PKNOX2: variants seen among roughly 807,000 people sequenced by gnomAD.
PKNOX2 encodes the protein PBX/knotted 1 homeobox 2.
In PKNOX2, 14 loss-of-function variants were observed where a neutral mutation model predicts 53.1. The ratio of observed to expected loss-of-function variants is 0.26; its 90% CI spans 0.17 to 0.41. PKNOX2 has a LOEUF of 0.41. PKNOX2 is among the 10% of genes least tolerant of loss of function. The pLI, the probability that PKNOX2 is intolerant of heterozygous loss-of-function variation, is 1.00. For missense variants in PKNOX2, 496 were observed against 602.8 expected, an observed-to-expected ratio of 0.82 and a Z score of 1.85; for synonymous variants, 257 against 242.8, an observed-to-expected ratio of 1.06 and a Z score of -0.54.
At chr11:125,238,601 T>A (rs916140996) in intron 2 of PKNOX2, among the ~76,000 whole-genome samples, 8 of 152,328 alleles carry the variant, frequency 5.3e-5, no homozygotes, top group African/African-American at 1.7e-4. Context: ...GATGGCATCA[T>A]CCCCAATGCT....
At chr11:125,195,327 C>T (rs934426403) in intron 1 of PKNOX2, among the ~76,000 whole-genome samples, 26 of 152,130 alleles carry the variant, frequency 1.7e-4, no homozygotes, top group African/African-American at 5.3e-4. Context: ...GTTCAAGACA[C>T]GTGCTTTTCC....
intron 5 of PKNOX2, among the ~76,000 whole-genome samples, chr11:125,378,216 C>A (rs759490218): frequency 3.7e-4 from 57 of 152,336 alleles, no homozygotes; most frequent in Admixed American, 1.5e-3. Flanking sequence ...AGCTACTTGA[C>A]AACCACTCAC....
chr11:125,388,391 G>A (rs1184720429), intron 6 of PKNOX2, among the ~76,000 whole-genome samples: 2 of 152,070 alleles, frequency 1.3e-5, no homozygotes, highest in Non-Finnish European at 2.9e-5. Flanking sequence ...TCTTTATCCG[G>A]ACAGATATAC....
chr11:125,218,308 G>A (rs1009577833), intron 1 of PKNOX2, among the ~76,000 whole-genome samples: 1 of 152,028 alleles, frequency 6.6e-6, no homozygotes, highest in African/African-American at 2.4e-5. Context: ...GGAACTCATG[G>A]GGAAGTGAGT....
intron 1 of PKNOX2, among the ~76,000 whole-genome samples, chr11:125,230,825 T>G (rs1942146367): frequency 6.6e-6 from 1 of 152,178 alleles, no homozygotes; most frequent in Non-Finnish European, 1.5e-5. Context: ...TATTTAAAGG[T>G]GCTACTGTTA....
At chr11:125,389,591 C>T (rs956131978) in intron 6 of PKNOX2, among the ~76,000 whole-genome samples, 1 of 152,196 alleles carries the variant, frequency 6.6e-6, no homozygotes, top group Non-Finnish European at 1.5e-5. Context: ...CACAGATCCC[C>T]TCCTTGGGCC....
At chr11:125,420,350 A>T (rs1956109731) in intron 10 of PKNOX2, among the ~76,000 whole-genome samples, 1 of 151,094 alleles carries the variant, frequency 6.6e-6, no homozygotes, top group African/African-American at 2.4e-5. Context: ...ACACGGTGAA[A>T]CCCCACTCTA....
chr11:125,407,638 C>T (rs1451148141), intron 7 of PKNOX2, among the ~76,000 whole-genome samples: 14 of 151,954 alleles, frequency 9.2e-5, no homozygotes, highest in African/African-American at 3.1e-4. Flanking sequence ...TGGTGGCTCA[C>T]GCCTGTAATC....
intron 1 of PKNOX2, among the ~76,000 whole-genome samples, chr11:125,226,549 G>A (rs1288303301): frequency 6.6e-6 from 1 of 152,078 alleles, no homozygotes; most frequent in African/African-American, 2.4e-5. Flanking sequence ...CCTAGGTCCT[G>A]TCTACACCCT....
At chr11:125,391,394 A>C (rs1249495396) in intron 6 of PKNOX2, among the ~76,000 whole-genome samples, 1 of 152,234 alleles carries the variant, frequency 6.6e-6, no homozygotes, top group Non-Finnish European at 1.5e-5. Context: ...AGAGAGGCAC[A>C]CTGAGAGAGG....
intron 2 of PKNOX2, chr11:125,277,619 A>G (rs1946263229): frequency 6.6e-6 from 1 of 152,250 alleles, no homozygotes; most frequent in African/African-American, 2.4e-5. Context: ...GGCCCTGCAC[A>G]AGGATGACAC....
At chr11:125,173,944 A>C (rs1162866252) in intron 1 of PKNOX2, among the ~76,000 whole-genome samples, 4 of 152,216 alleles carry the variant, frequency 2.6e-5, no homozygotes, top group African/African-American at 9.6e-5. Flanking sequence ...CCAGCGTAGC[A>C]CAATGGGTCT....
At chr11:125,241,490 A>T (rs1943142346) in intron 2 of PKNOX2, among the ~76,000 whole-genome samples, 1 of 152,198 alleles carries the variant, frequency 6.6e-6, no homozygotes. Flanking sequence ...TAAACCATTG[A>T]ACCCCATTCT....
At chr11:125,340,360 G>A (rs1480983281) in intron 3 of PKNOX2, among the ~76,000 whole-genome samples, 1 of 152,172 alleles carries the variant, frequency 6.6e-6, no homozygotes, top group Non-Finnish European at 1.5e-5. Flanking sequence ...CACCTTTTCT[G>A]CACTTCTCCA....
chr11:125,185,199 A>G (rs565445972), intron 1 of PKNOX2, among the ~76,000 whole-genome samples: 1 of 152,344 alleles, frequency 6.6e-6, no homozygotes, highest in South Asian at 2.1e-4. Flanking sequence ...CCTCAGCCCA[A>G]GTCGAGGCTG....
chr11:125,170,264 C>T (rs911974085), intron 1 of PKNOX2, among the ~76,000 whole-genome samples: 2 of 152,208 alleles, frequency 1.3e-5, no homozygotes, highest in Admixed American at 6.5e-5. Context: ...TAAAAGCTAG[C>T]TCTGATCCTG....
chr11:125,405,007 G>C (rs921389394), intron 7 of PKNOX2, among the ~76,000 whole-genome samples: 3 of 152,220 alleles, frequency 2.0e-5, no homozygotes, highest in Non-Finnish European at 4.4e-5. Flanking sequence ...CTTCTGGGAG[G>C]CTTTGGTGAG....
chr11:125,193,698 C>G (rs769982234), intron 1 of PKNOX2, among the ~76,000 whole-genome samples: 1 of 152,204 alleles, frequency 6.6e-6, no homozygotes, highest in African/African-American at 2.4e-5. Flanking sequence ...GACCTAGGAA[C>G]AGGAGTTGAT....
Position 125,379,119 on chromosome 11 carries a change from GGCGAGATGTCGGCTCACT to G in PKNOX2, c.228-6427_228-6410del, listed in dbSNP as rs368992623. On this transcript the variant is annotated intron_variant, in intron 5 of 12. Transcript: ENST00000298282. Reference sequence around the variant, plus strand: ...TCTGTCGCCCAGGCTGGAGTTCAGTGGCGAGATGTCGGCTCACTGCGACCTCCACCTCCTGGGTTCAAG... The same window carrying G: ...TCTGTCGCCCAGGCTGGAGTTCAGTGGCGACCTCCACCTCCTGGGTTCAAG... Among the ~76,000 whole-genome samples, 26 of 150,674 alleles carry G rather than the reference GGCGAGATGTCGGCTCACT, an allele frequency of 1.7e-4. No individual in the cohort carries two copies. In the Middle Eastern group the frequency reaches 0.014, roughly 79 times the overall value.
Sources: allele counts gnomAD v4.1 joint callset (sites outside exome capture counted in the v4.1 genomes callset), GRCh38; gene constraint gnomAD v4.1.1; transcripts MANE v1.5; gene names NCBI Gene and HGNC (gene_info 2026-07-23, HGNC 2026-07-21).